Variants in GPR17 observed in about 807,000 individuals in gnomAD.
GPR17 encodes uracil nucleotide/cysteinyl leukotriene receptor.
In GPR17, 4 loss-of-function variants were observed where a neutral mutation model predicts 1.5. The observed-to-expected ratio is 2.73, with a 90% CI of 1.35 to 6.25. The LOEUF (loss-of-function observed/expected upper bound fraction) is 6.25, where lower values mean the gene tolerates loss of function less well. GPR17 is among the 30% of genes most tolerant of loss of function. GPR17 has a pLI of 0.00. For missense variants in GPR17, 463 were observed against 462.1 expected, an observed-to-expected ratio of 1.00 and a Z score of -0.02; for synonymous variants, 209 against 207.6, an observed-to-expected ratio of 1.01 and a Z score of -0.06.
At chr2:127,650,301 GAC>G (rs1219500626) in intron 1 of GPR17, 1 of 577,168 alleles carries the variant, frequency 1.7e-6, no homozygotes, top group Admixed American at 3.1e-5. Context: ...GAATCCCGGA[GAC>G]ACACTGCCCC....
chr2:127,648,997 GGAGGGGAGGA>G (rs1683337734), intron 1 of GPR17, among the ~76,000 whole-genome samples: 1 of 28,112 alleles, frequency 3.6e-5, no homozygotes, highest in Non-Finnish European at 7.3e-5. Context: ...GGGAGGGAGG[GGAGGGGAGGA>G]AGGGGAGGGA....
At chr2:127,648,619 G>A (rs1683255867) in intron 1 of GPR17, among the ~76,000 whole-genome samples, 2 of 152,094 alleles carry the variant, frequency 1.3e-5, no homozygotes, top group African/African-American at 4.8e-5. Context: ...AAGAGGAGAG[G>A]GGCTGGGCGC....
chr2:127,651,527 C>T lies in GPR17; in HGVS notation c.792C>T (p.Ser264=), dbSNP rs776323116. ...NRSVYVLHYR[S]HGASCATQRI... is the part of the protein sequence containing the mutation. ...CCGTCTACGTGCTGCACTACCGCAG[C>T]CATGGGGCCTCCTGCGCCACCCAGC... is the stretch of plus-strand genomic sequence containing the variant. Residue 264 remains serine, a synonymous_variant, in exon 2 of 2, where the codon AGC becomes AGT. Coordinates refer to ENST00000486700, the MANE Select transcript of GPR17 (RefSeq NM_001161417.2). The T allele has an allele frequency of 8.7e-6, 14 of 1,612,680 alleles. No homozygotes were observed. The highest frequency in any genetic ancestry group is 1.2e-5 in the Non-Finnish European group (14 of 1,180,036).
chr2:127,650,594 G>A (rs575630553), intron 1 of GPR17, 122 bp from the exon 2 acceptor site: 15 of 687,048 alleles, frequency 2.2e-5, no homozygotes, highest in Admixed American at 2.1e-4. Context: ...AGCCCCGTGG[G>A]CGGTGCTGAG....
In GPR17 at chr2:127,647,113, C is replaced by A. The variant is rs1380879270; in HGVS notation, c.-21+869C>A. On this transcript the variant is annotated intron_variant, in intron 1 of 1. Transcript: ENST00000486700. This position sits in a 1 kb window ranked among gnomAD's most constrained non-coding sequence, Gnocchi z 4.3. Reference sequence around the variant, plus strand: ...CCTGGTGCCATGAGATATGCCACCCCTGCCGTCACTCAGGGCCCTGAGCCC... The same window carrying A: ...CCTGGTGCCATGAGATATGCCACCCATGCCGTCACTCAGGGCCCTGAGCCC... Among the ~76,000 whole-genome samples the A allele has an allele frequency of 6.6e-6, 1 of 152,230 alleles. No individual in the cohort carries two copies. Among genetic ancestry groups the A allele is most frequent in the African/African-American group, 2.4e-5 (1 of 41,456 alleles).
intron 1 of GPR17, among the ~76,000 whole-genome samples, chr2:127,649,644 CCTT>C (rs1683494162): frequency 1.3e-5 from 2 of 152,240 alleles, no homozygotes; most frequent in Admixed American, 6.5e-5. Context: ...CCCTCACTCT[CCTT>C]CTTCAATCTT....
At chr2:127,649,297 C>A (rs1052908092) in intron 1 of GPR17, among the ~76,000 whole-genome samples, 8 of 152,140 alleles carry the variant, frequency 5.3e-5, no homozygotes, top group Non-Finnish European at 7.4e-5. Flanking sequence ...GGATGAGGAC[C>A]CTGCCAGGGC....
Position 127,651,413 on chromosome 2 carries a change from G to C in GPR17, c.678G>C (p.Glu226Asp), listed in dbSNP as rs753371852. The C allele has an allele frequency of 2.5e-6, 4 of 1,612,898 alleles. No individual in the cohort carries two copies. The highest frequency in any genetic ancestry group is 3.3e-4 in the Middle Eastern group (2 of 6,062). ...IRSLRQGLRV[E>D]KRLKTKAVRM... The stretch of plus-strand genomic sequence containing the variant: ...GCCTGCGGCAGGGCCTGCGTGTGGA[G>C]AAGCGCCTCAAGACCAAGGCAGTGC... Residue 226 changes from glutamate to aspartate, a missense_variant, in exon 2 of 2, where the codon GAG becomes GAC. By Grantham distance (45) the Glu-to-Asp change is conservative (BLOSUM62 2). Transcript: ENST00000486700.
chr2:127,651,694 C>T lies in GPR17; in HGVS notation c.959C>T (p.Pro320Leu), dbSNP rs776316725. Residue 320 changes from proline to leucine, a missense_variant, in exon 2 of 2, where the codon CCG (proline) becomes CTG (leucine). By Grantham distance (98) the Pro-to-Leu change is moderately conservative. Coordinates refer to ENST00000486700, the MANE Select transcript of GPR17 (RefSeq NM_001161417.2). Reference protein sequence around the residue: ...NLLCGKRLKGPPPSFEGKTNE... With the variant: ...NLLCGKRLKGLPPSFEGKTNE... ...CTCTGTGGCAAAAGGCTCAAGGGCC[C>T]GCCCCCCAGCTTCGAAGGGAAAACC... The T allele has an allele frequency of 2.0e-5, 32 of 1,613,046 alleles. No homozygotes were observed. Among genetic ancestry groups the T allele is most frequent in the Admixed American group, 5.0e-5 (3 of 60,008 alleles).
At chr2:127,649,902 A>C in intron 1 of GPR17, 2 of 891,118 alleles carry the variant, frequency 2.2e-6, no homozygotes, top group African/African-American at 1.7e-5. Context: ...CCCTCCTGGA[A>C]GAGATGCTGC....
intron 1 of GPR17, among the ~76,000 whole-genome samples, chr2:127,650,247 A>G (rs1683591561): frequency 6.6e-6 from 1 of 152,114 alleles, no homozygotes; most frequent in Non-Finnish European, 1.5e-5. Context: ...GGCACTCAGG[A>G]TGAACAGAAC....
chr2:127,651,347 G>A lies in GPR17; in HGVS notation c.612G>A (p.Pro204=), dbSNP rs367931492. 133 of 1,611,766 alleles carry A rather than the reference G, an allele frequency of 8.3e-5. 1 individual carries two copies. Among genetic ancestry groups the A allele is most frequent in the South Asian group, 2.3e-4 (21 of 91,094 alleles). ...CCCTGGCAGTGGCCTTCACCTTCCC[G>A]TTCATCACCACGGTCACCTGCTACC... The part of the protein sequence containing the change: ...LVSLAVAFTF[P]FITTVTCYLL... Residue 204 remains proline (P), a synonymous_variant, in exon 2 of 2, where the codon CCG becomes CCA. Coordinates refer to ENST00000486700, the MANE Select transcript of GPR17 (RefSeq NM_001161417.2).
At chr2:127,650,413 T>C (rs1470008565) in intron 1 of GPR17, 1 of 535,376 alleles carries the variant, frequency 1.9e-6, no homozygotes, top group South Asian at 2.4e-5. Flanking sequence ...TTCCCCGCCA[T>C]GGCACTGACC....
intron 1 of GPR17, among the ~76,000 whole-genome samples, chr2:127,649,039 AAG>A (rs1558877810): frequency 9.1e-6 from 1 of 109,844 alleles, no homozygotes; most frequent in Non-Finnish European, 2.1e-5. Flanking sequence ...AAGAAAAAGA[AAG>A]AAAGAGAAAA....
At position 127,651,255 on chromosome 2, in the gene GPR17, C is replaced by G; in HGVS notation, c.520C>G (p.Gln174Glu). Reference sequence around the variant, plus strand: ...GCTGCTGGTGAGCCCACAGACCGTGCAGACCAACCACACGGTGGTCTGCCT... The same window carrying G: ...GCTGCTGGTGAGCCCACAGACCGTGGAGACCAACCACACGGTGGTCTGCCT... The part of the protein sequence containing the change: ...APLLVSPQTV[Q>E]TNHTVVCLQL... The change falls in exon 2 of 2, where the codon CAG becomes GAG. Residue 174 changes from glutamine (Q) to glutamate (E), a missense_variant. Coordinates refer to ENST00000486700, the MANE Select transcript of GPR17 (RefSeq NM_001161417.2). 2 of 1,606,230 alleles carry G rather than the reference C, an allele frequency of 1.2e-6. No individual in the cohort carries two copies. Among genetic ancestry groups the G allele is most frequent in the Non-Finnish European group, 1.7e-6 (2 of 1,179,282 alleles).
chr2:127,649,337 C>T (rs994251860), intron 1 of GPR17, among the ~76,000 whole-genome samples: 24 of 152,292 alleles, frequency 1.6e-4, no homozygotes, highest in African/African-American at 5.8e-4. Context: ...CCTCCTGCTG[C>T]CACAATGGGC....
chr2:127,651,098 C>T lies in GPR17; in HGVS notation c.363C>T (p.Phe121=). Residue 121 remains phenylalanine (F), a synonymous_variant, in exon 2 of 2, where the codon TTC becomes TTT. Transcript: ENST00000486700. ...FYLNMYASIY[F]LTCISADRFL... ...TCAACATGTACGCCAGCATCTACTTCCTCACCTGCATCAGCGCCGACCGTT... is the reference window on the plus strand; with the variant it reads ...TCAACATGTACGCCAGCATCTACTTTCTCACCTGCATCAGCGCCGACCGTT... 1 of 1,613,726 alleles carries T rather than the reference C, an allele frequency of 6.2e-7. No homozygotes were observed. The highest frequency in any genetic ancestry group is 8.5e-7 in the Non-Finnish European group (1 of 1,180,042).
chr2:127,650,524 T>C (rs984157885), intron 1 of GPR17, 192 bp from the exon 2 acceptor site: 1 of 585,952 alleles, frequency 1.7e-6, no homozygotes, highest in African/African-American at 1.9e-5. Context: ...TGCCTTGTGC[T>C]GAAGTTCAGA....
At position 127,651,056 on chromosome 2, in the gene GPR17, C is replaced by T. The variant is rs753052415; in HGVS notation, c.321C>T (p.Thr107=). ...WPFGEIACRL[T]GFLFYLNMYA... is the part of the protein sequence containing the mutation. ...TTGGGGAAATCGCATGCCGTCTCAC[C>T]GGCTTCCTCTTCTACCTCAACATGT... Residue 107 remains threonine, a synonymous_variant, in exon 2 of 2, where the codon ACC becomes ACT. Coordinates refer to ENST00000486700, the MANE Select transcript of GPR17 (RefSeq NM_001161417.2). 9.9e-6 allele frequency: 16 copies of T among 1,613,590 alleles called. No homozygotes were observed. The highest frequency in any genetic ancestry group is 4.0e-5 in the African/African-American group (3 of 74,938).
Sources: gnomAD v4.1 joint callset for allele counts (sites outside exome capture counted in the v4.1 genomes callset) on GRCh38, gnomAD v4.1.1 for gene constraint, Gnocchi (gnomAD v3.1) non-coding constraint, MANE v1.5 for transcripts, NCBI Gene and HGNC (gene_info 2026-07-23, HGNC 2026-07-21) for gene names.